RFC3: variants seen among roughly 807,000 people sequenced by gnomAD.
RFC3 encodes the protein A1 38 kDa subunit.
A neutral mutation model predicts 45.1 loss-of-function variants in RFC3; 41 were observed. The observed-to-expected ratio is 0.91, with a 90% CI of 0.71 to 1.18. The LOEUF (loss-of-function observed/expected upper bound fraction) is 1.18. Ranked by LOEUF, RFC3 falls within the 50% of genes most tolerant of loss-of-function variation. RFC3 has a pLI of 0.00. For missense variants in RFC3, 423 were observed against 428.1 expected (o/e 0.99, Z 0.10); for synonymous variants, 149 against 144.0 (o/e 1.03, Z -0.25).
In RFC3 at chr13:33,933,197, C is replaced by G. The variant is rs115465078; in HGVS notation, c.880-32890C>G. On this transcript the variant is annotated intron_variant, in intron 8 of 8. Coordinates refer to the RFC3 transcript ENST00000434425. ...TCTTTCTTTTTTCTTTTCCTGCTTG[C>G]TAATGCCGAGCTGATGATGCAGAAT... Among the ~76,000 whole-genome samples, 917 of 152,172 alleles carry G rather than the reference C, an allele frequency of 6.0e-3. 11 individuals are homozygous for G. Among genetic ancestry groups the G allele is most frequent in the African/African-American group, 0.021 (865 of 41,520 alleles).
At chr13:33,824,129 T>C (rs1015669280) in intron 3 of RFC3, 145 bp downstream of exon 3, 2 of 498,944 alleles carry the variant, frequency 4.0e-6, no homozygotes, top group Non-Finnish European at 7.3e-6. Context: ...GGAGCTGCCC[T>C]GCTTGAAATG....
chr13:33,926,607 A>G (rs189861159), intron 8 of RFC3, among the ~76,000 whole-genome samples: 4 of 152,254 alleles, frequency 2.6e-5, no homozygotes, highest in African/African-American at 9.6e-5. Context: ...GTTCAAATTC[A>G]GTAAGTTTTA....
At chr13:33,880,436 C>A (rs183812490) in intron 8 of RFC3, among the ~76,000 whole-genome samples, 1 of 152,196 alleles carries the variant, frequency 6.6e-6, no homozygotes, top group Admixed American at 6.5e-5. Context: ...ATTAGTGAGT[C>A]ATTGTGGGTT....
At chr13:33,929,038 T>A (rs1173870601) in intron 8 of RFC3, among the ~76,000 whole-genome samples, 2 of 152,184 alleles carry the variant, frequency 1.3e-5, no homozygotes, top group Non-Finnish European at 2.9e-5. Flanking sequence ...TTTTTCTTTT[T>A]TTTCCAGATT....
At position 33,948,718 on chromosome 13, in the gene RFC3, C is replaced by T. The variant is rs1010050075; in HGVS notation, c.880-17369C>T. On this transcript the variant is annotated intron_variant, in intron 8 of 8. Transcript: ENST00000434425. Reference sequence around the variant, plus strand: ...GCATCAGCATGACCTGGACGTGAGACATGGAGTTAAAGGAAATCATTTTGA... The same window carrying T: ...GCATCAGCATGACCTGGACGTGAGATATGGAGTTAAAGGAAATCATTTTGA... 3.3e-5 allele frequency among the ~76,000 whole-genome samples: 5 copies of T among 152,220 alleles called. No homozygotes were observed. The East Asian group carries it at 7.7e-4, about 23-fold the overall frequency.
chr13:33,853,624 G>A (rs1409838201), intron 8 of RFC3, among the ~76,000 whole-genome samples: 1 of 152,158 alleles, frequency 6.6e-6, no homozygotes, highest in Non-Finnish European at 1.5e-5. Context: ...AAAGAATACA[G>A]GGAGAAAGGT....
chr13:33,818,400 A>G, intron 1 of RFC3, 135 bp downstream of exon 1: 1 of 648,122 alleles, frequency 1.5e-6, no homozygotes, highest in Non-Finnish European at 2.6e-6. Flanking sequence ...AACACAGGGA[A>G]GGGGGAAGAG....
At chr13:33,904,151 T>C (rs2137678255) in intron 8 of RFC3, among the ~76,000 whole-genome samples, 1 of 152,216 alleles carries the variant, frequency 6.6e-6, no homozygotes. Context: ...AGGGACTTTG[T>C]CTTTCTCATA....
At position 33,836,614 on chromosome 13, in the gene RFC3, A is replaced by G; in HGVS notation, c.*319A>G. ...TCTAATCTCTCACCTGCTAAAGGAG[A>G]TTTACACATTAGAAAGCAAAGATTA... On this transcript the variant is annotated 3_prime_UTR_variant, in exon 9 of 9. Coordinates refer to ENST00000380071, the MANE Select transcript of RFC3 (RefSeq NM_002915.4). 9.8e-7 allele frequency: 1 copy of G among 1,020,194 alleles called. No individual in the cohort carries two copies. 63.2% of individuals were successfully genotyped at this position (1,020,194 alleles called of 1,614,324 possible).
downstream of RFC3, among the ~76,000 whole-genome samples, chr13:33,966,797 T>C (rs2083090061): frequency 6.6e-6 from 1 of 152,154 alleles, no homozygotes; most frequent in African/African-American, 2.4e-5. Flanking sequence ...GGATACAAGA[T>C]CTCAATTTCT....
At chr13:33,857,589 C>CATTACA (rs2082315894) in intron 8 of RFC3, among the ~76,000 whole-genome samples, 1 of 151,254 alleles carries the variant, frequency 6.6e-6, no homozygotes. Context: ...GTGGGGCTAA[C>CATTACA]ATTAAAATTA....
At chr13:33,957,674 G>T (rs1168725558) in intron 8 of RFC3, among the ~76,000 whole-genome samples, 1 of 152,128 alleles carries the variant, frequency 6.6e-6, no homozygotes, top group Non-Finnish European at 1.5e-5. Context: ...AGACAAACAT[G>T]TCACTGTGAT....
At chr13:33,904,224 A>T (rs933023885) in intron 8 of RFC3, among the ~76,000 whole-genome samples, 1 of 152,100 alleles carries the variant, frequency 6.6e-6, no homozygotes, top group Non-Finnish European at 1.5e-5. Context: ...AATATTGACT[A>T]AATGGATGAC....
At chr13:33,821,379 A>T (rs1176393967) in intron 2 of RFC3, 110 bp downstream of exon 2, 1 of 1,083,520 alleles carries the variant, frequency 9.2e-7, no homozygotes, top group Non-Finnish European at 1.4e-6. Flanking sequence ...TTTAAATAAG[A>T]ATTCCACAGG....
downstream of RFC3, among the ~76,000 whole-genome samples, chr13:33,969,497 C>T (rs1254916890): frequency 6.6e-6 from 1 of 152,186 alleles, no homozygotes; most frequent in Non-Finnish European, 1.5e-5. Flanking sequence ...GACAAAGCCC[C>T]TTTAGGACAC....
intron 8 of RFC3, among the ~76,000 whole-genome samples, chr13:33,917,625 A>G (rs1442159729): frequency 6.6e-6 from 1 of 152,096 alleles, no homozygotes; most frequent in Non-Finnish European, 1.5e-5. Flanking sequence ...CTCAGACACC[A>G]TTTAATTTCC....
chr13:33,925,563 GTGTACTA>G, intron 8 of RFC3, among the ~76,000 whole-genome samples: 1 of 109,960 alleles, frequency 9.1e-6, no homozygotes, highest in East Asian at 2.2e-4. Context: ...TACATACATA[GTGTACTA>G]TATACATACA....
At chr13:33,887,644 A>C (rs2082534787) in intron 8 of RFC3, among the ~76,000 whole-genome samples, 1 of 151,806 alleles carries the variant, frequency 6.6e-6, no homozygotes, top group African/African-American at 2.4e-5. Context: ...GTTTAATTAG[A>C]TGTCAATTTT....
intron 8 of RFC3, among the ~76,000 whole-genome samples, chr13:33,937,097 G>A (rs2082891466): frequency 6.6e-6 from 1 of 152,156 alleles, no homozygotes; most frequent in Non-Finnish European, 1.5e-5. Flanking sequence ...ATACAGTCAT[G>A]TACCATGTAA....
Sources: allele counts gnomAD v4.1 joint callset (sites outside exome capture counted in the v4.1 genomes callset), GRCh38; gene constraint gnomAD v4.1.1; transcripts MANE v1.5; gene names NCBI Gene and HGNC (gene_info 2026-07-23, HGNC 2026-07-21).